The following WDR70 variants were observed in gnomAD, a reference collection of about 807,000 sequenced individuals.
WDR70 encodes the protein WD repeat domain 70, also known as WD repeat-containing protein 70.
A neutral mutation model predicts 88.6 loss-of-function variants in WDR70; 53 were observed. The observed-to-expected ratio is 0.60, with a 90% CI of 0.48 to 0.75. The LOEUF (loss-of-function observed/expected upper bound fraction) is 0.75, where lower values mean the gene tolerates loss of function less well. Ranked by LOEUF, WDR70 falls within the 30% of genes least tolerant of loss-of-function variation. The pLI is 0.00. For synonymous variants in WDR70, 280 were observed against 270.0 expected, an observed-to-expected ratio of 1.04 and a Z score of -0.36; for missense variants, 610 against 823.2, an observed-to-expected ratio of 0.74 and a Z score of 3.17.
At chr5:37,607,799 T>G (rs1744074081) in intron 10 of WDR70, among the ~76,000 whole-genome samples, 1 of 152,154 alleles carries the variant, frequency 6.6e-6, no homozygotes, top group African/African-American at 2.4e-5. Context: ...TTTATTCATA[T>G]GATGATGGTC....
chr5:37,379,622 T>A, intron 2 of WDR70, 68 bp downstream of exon 2: 1 of 1,551,320 alleles, frequency 6.4e-7, no homozygotes, highest in South Asian at 1.1e-5. Flanking sequence ...AGAGTGGGAG[T>A]GGAGATCGAG....
intron 7 of WDR70, among the ~76,000 whole-genome samples, chr5:37,476,796 C>T (rs1739500344): frequency 6.6e-6 from 1 of 152,144 alleles, no homozygotes. Context: ...GATCCACCTG[C>T]CTTGGCCTCC....
intron 5 of WDR70, among the ~76,000 whole-genome samples, chr5:37,433,065 AT>A (rs1181319581): frequency 6.6e-6 from 1 of 151,230 alleles, no homozygotes. Context: ...AAAATCTCAG[AT>A]TTTTTTTTGT....
chr5:37,609,439 C>CAAGT (rs1199892658), intron 10 of WDR70, among the ~76,000 whole-genome samples: 3 of 152,188 alleles, frequency 2.0e-5, no homozygotes, highest in Admixed American at 2.0e-4. Context: ...CTACAATATA[C>CAAGT]TAGACTCTTG....
At chr5:37,487,974 T>C (rs1339198129) in intron 8 of WDR70, among the ~76,000 whole-genome samples, 1 of 152,158 alleles carries the variant, frequency 6.6e-6, no homozygotes, top group Non-Finnish European at 1.5e-5. Context: ...TAAACATTTC[T>C]TGTAGGCCTG....
chr5:37,405,802 T>TA (rs1258032337), intron 5 of WDR70, among the ~76,000 whole-genome samples: 1 of 152,102 alleles, frequency 6.6e-6, no homozygotes, highest in Non-Finnish European at 1.5e-5. Flanking sequence ...TCTCAGCACT[T>TA]TAGGAGCTTC....
chr5:37,605,314 G>A, intron 10 of WDR70, 76 bp downstream of exon 10: 4 of 1,442,594 alleles, frequency 2.8e-6, no homozygotes, highest in East Asian at 2.4e-5. Context: ...AAAGACAAAC[G>A]TGTTAAAGTA....
intron 9 of WDR70, among the ~76,000 whole-genome samples, chr5:37,581,824 G>A (rs1247457580): frequency 1.3e-5 from 2 of 152,156 alleles, no homozygotes; most frequent in Non-Finnish European, 2.9e-5. Context: ...AAAGCTATCA[G>A]AATTTCGTCT....
intron 10 of WDR70, among the ~76,000 whole-genome samples, chr5:37,660,933 G>T (rs1486390921): frequency 1.3e-5 from 2 of 152,152 alleles, no homozygotes; most frequent in African/African-American, 4.8e-5. Flanking sequence ...AACCATTTAT[G>T]TAGCATTTAC....
chr5:37,660,317 G>C (rs1464382764), intron 10 of WDR70, among the ~76,000 whole-genome samples: 1 of 152,008 alleles, frequency 6.6e-6, no homozygotes, highest in Non-Finnish European at 1.5e-5. Context: ...ATATCAATTA[G>C]GTCAAGTTGG....
chr5:37,452,933 A>T (rs560850056), intron 7 of WDR70, among the ~76,000 whole-genome samples: 64 of 152,300 alleles, frequency 4.2e-4, no homozygotes, highest in African/African-American at 1.5e-3. Flanking sequence ...TAAATAAAGT[A>T]TTCTGGATTT....
intron 6 of WDR70, among the ~76,000 whole-genome samples, chr5:37,440,494 C>T (rs1044822193): frequency 6.6e-6 from 1 of 152,058 alleles, no homozygotes; most frequent in African/African-American, 2.4e-5. Flanking sequence ...TACTGGCGCT[C>T]GCCACAACAC....
intron 7 of WDR70, among the ~76,000 whole-genome samples, chr5:37,447,419 C>T (rs1738529760): frequency 6.6e-6 from 1 of 152,134 alleles, no homozygotes; most frequent in Non-Finnish European, 1.5e-5. Context: ...CCATTTGACC[C>T]AGCCATCACA....
intron 10 of WDR70, 145 bp downstream of exon 10, chr5:37,605,383 A>G (rs1744008420): frequency 2.7e-6 from 2 of 753,650 alleles, no homozygotes; most frequent in Non-Finnish European, 3.9e-6. Flanking sequence ...TAGGTGATCA[A>G]ACGTTGAGAC....
chr5:37,508,033 A>G (rs907350321), intron 8 of WDR70, among the ~76,000 whole-genome samples: 6 of 152,160 alleles, frequency 3.9e-5, no homozygotes, highest in African/African-American at 1.2e-4. Context: ...TGGTGGGGTC[A>G]GGTATCTTTG....
chr5:37,647,968 G>A (rs748605975), intron 10 of WDR70, among the ~76,000 whole-genome samples: 3 of 152,184 alleles, frequency 2.0e-5, no homozygotes, highest in Non-Finnish European at 4.4e-5. Context: ...CATGAGAACA[G>A]CTTGGGGGAA....
intron 5 of WDR70, among the ~76,000 whole-genome samples, chr5:37,397,185 T>A (rs1350239693): frequency 1.5e-5 from 2 of 132,506 alleles, no homozygotes. Context: ...AAAATGACTG[T>A]GGAGTTTATT....
intron 13 of WDR70, among the ~76,000 whole-genome samples, chr5:37,715,523 A>T (rs985179916): frequency 2.6e-5 from 4 of 152,250 alleles, no homozygotes; most frequent in South Asian, 2.1e-4. Flanking sequence ...GGAGGTGGTG[A>T]TGAGTCTTAG....
At chr5:37,733,895 A>C (rs1748225913) in intron 17 of WDR70, among the ~76,000 whole-genome samples, 1 of 151,798 alleles carries the variant, frequency 6.6e-6, no homozygotes, top group Non-Finnish European at 1.5e-5. Context: ...GTTTATTTTT[A>C]CTTACTTTAT....
Sources: gnomAD v4.1 joint callset for allele counts (sites outside exome capture counted in the v4.1 genomes callset) on GRCh38, gnomAD v4.1.1 for gene constraint, MANE v1.5 for transcripts, NCBI Gene and HGNC (gene_info 2026-07-23, HGNC 2026-07-21) for gene names.